Variants in GLIS3 observed in about 807,000 individuals in gnomAD.
The protein encoded by GLIS3 is zinc finger protein GLIS3.
A neutral mutation model predicts 78.6 loss-of-function variants in GLIS3; 53 were observed. That is an observed-to-expected ratio of 0.67 (90% CI 0.54 to 0.85). The LOEUF (loss-of-function observed/expected upper bound fraction) is 0.85. GLIS3 is among the 40% of genes least tolerant of loss of function. GLIS3 has a pLI of 0.00. For missense variants in GLIS3, 1,703 were observed against 1,231.1 expected (o/e 1.38, Z -5.74); for synonymous variants, 684 against 509.9 (o/e 1.34, Z -4.60).
intron 2 of GLIS3, among the ~76,000 whole-genome samples, chr9:4,263,243 G>T (rs955133381): frequency 6.6e-6 from 1 of 152,102 alleles, no homozygotes; most frequent in Admixed American, 6.5e-5. Flanking sequence ...GCAGACTCTG[G>T]GACAGAGAGG....
chr9:4,294,507 CT>C (rs1816309731), intron 1 of GLIS3, among the ~76,000 whole-genome samples: 1 of 147,774 alleles, frequency 6.8e-6, no homozygotes. Context: ...GAAATTATGT[CT>C]CAAAAAAAAA....
chr9:4,438,393 T>C, the GLIS3 span, among the ~76,000 whole-genome samples: 6 of 152,110 alleles, frequency 3.9e-5, no homozygotes, highest in African/African-American at 1.2e-4. Context: ...AAATGACAAA[T>C]AGACTTCATT....
intron 4 of GLIS3, among the ~76,000 whole-genome samples, chr9:3,957,301 T>C (rs768582518): frequency 6.6e-6 from 1 of 152,258 alleles, no homozygotes. Context: ...TGAATAACAC[T>C]TCCCCAGTTT....
chr9:3,991,752 G>T (rs538702727), intron 4 of GLIS3, among the ~76,000 whole-genome samples: 1 of 144,394 alleles, frequency 6.9e-6, no homozygotes, highest in Non-Finnish European at 1.5e-5. Flanking sequence ...GTGCAGTGGT[G>T]GGATCTCGGC....
chr9:4,374,688 A>C, the GLIS3 span, among the ~76,000 whole-genome samples: 1 of 152,262 alleles, frequency 6.6e-6, no homozygotes, highest in African/African-American at 2.4e-5. Flanking sequence ...GTTGGCAGCA[A>C]AGCCCTCTCA....
intron 2 of GLIS3, among the ~76,000 whole-genome samples, chr9:4,345,603 G>C (rs1279984676): frequency 1.3e-5 from 2 of 152,158 alleles, no homozygotes; most frequent in African/African-American, 4.8e-5. Context: ...AGTTGCTCTT[G>C]TTCCTCTTTC....
intron 10 of GLIS3, 32 bp downstream of exon 10, chr9:3,829,278 A>G (rs765051006): frequency 6.2e-7 from 1 of 1,605,842 alleles, no homozygotes; most frequent in Non-Finnish European, 8.5e-7. Flanking sequence ...GTCAGTTGAC[A>G]GGATTTTCTA....
chr9:4,000,609 A>G (rs1363546507), intron 4 of GLIS3, among the ~76,000 whole-genome samples: 5 of 152,222 alleles, frequency 3.3e-5, no homozygotes, highest in Non-Finnish European at 4.4e-5. Context: ...TTATTTTCTT[A>G]GTCCTCTGCC....
chr9:4,143,546 G>A (rs546119528), intron 2 of GLIS3, among the ~76,000 whole-genome samples: 17 of 149,192 alleles, frequency 1.1e-4, no homozygotes, highest in Non-Finnish European at 1.5e-4. Context: ...CAGCCTGGGC[G>A]ACAGAGCAAG....
intron 2 of GLIS3, among the ~76,000 whole-genome samples, chr9:4,180,357 T>A (rs1817197706): frequency 6.6e-6 from 1 of 152,146 alleles, no homozygotes; most frequent in African/African-American, 2.4e-5. Flanking sequence ...TATACCACAA[T>A]AGGAAGAACA....
chr9:4,334,214 A>G (rs1405223729), intron 2 of GLIS3, among the ~76,000 whole-genome samples: 26 of 152,252 alleles, frequency 1.7e-4, no homozygotes, highest in Admixed American at 1.6e-3. Flanking sequence ...ACAGTGAAAG[A>G]CCATCTGATA....
At chr9:4,450,185 G>C in the GLIS3 span, among the ~76,000 whole-genome samples, 1 of 152,148 alleles carries the variant, frequency 6.6e-6, no homozygotes, top group African/African-American at 2.4e-5. Flanking sequence ...CACGACACGA[G>C]AACTATGTGA....
intron 2 of GLIS3, among the ~76,000 whole-genome samples, chr9:4,202,300 G>A (rs906859449): frequency 4.0e-5 from 6 of 150,862 alleles, no homozygotes; most frequent in Non-Finnish European, 8.9e-5. Context: ...ACAGGCGCCC[G>A]CCACCATGCC....
chr9:4,281,243 T>C (rs1025955545), intron 2 of GLIS3, among the ~76,000 whole-genome samples: 2 of 152,240 alleles, frequency 1.3e-5, no homozygotes, highest in African/African-American at 4.8e-5. Context: ...ACGTTGATTT[T>C]CACTTAGTAT....
At chr9:4,142,788 A>C (rs1833908375) in intron 2 of GLIS3, among the ~76,000 whole-genome samples, 1 of 152,222 alleles carries the variant, frequency 6.6e-6, no homozygotes. Flanking sequence ...TACTAACTCC[A>C]AATTCTCAAA....
chr9:4,102,383 C>T (rs187122442), intron 4 of GLIS3, among the ~76,000 whole-genome samples: 2 of 152,290 alleles, frequency 1.3e-5, no homozygotes, highest in East Asian at 3.9e-4. Context: ...TGACTGAAAT[C>T]TCAGAATAAC....
chr9:4,155,359 T>C (rs1289012178), intron 2 of GLIS3, among the ~76,000 whole-genome samples: 1 of 152,182 alleles, frequency 6.6e-6, no homozygotes, highest in Admixed American at 6.5e-5. Flanking sequence ...ACTGACCCAT[T>C]ACATGGCGCA....
Position 3,827,793 on chromosome 9 carries a change from T to A in GLIS3, c.*479A>T. ...TCTAAGAGTTGAGACCACACTATGC[T>A]TTGGACATGGATTTCCCTTGTTGTG... is the stretch of plus-strand genomic sequence containing the variant. On this transcript the variant is annotated 3_prime_UTR_variant, in exon 11 of 11. Transcript: ENST00000381971. The A allele has an allele frequency of 4.5e-6, 1 of 220,696 alleles. No homozygotes were observed. 13.7% of individuals were successfully genotyped at this position (220,696 alleles called of 1,614,324 possible). A position where few individuals can be genotyped will look rare whatever the true frequency, so the allele number is the denominator to read the frequency against.
chr9:4,273,910 T>A (rs146595638), intron 2 of GLIS3, among the ~76,000 whole-genome samples: 1 of 152,184 alleles, frequency 6.6e-6, no homozygotes, highest in Non-Finnish European at 1.5e-5. Flanking sequence ...TACCCTGCCC[T>A]GCACCTCCAT....
Sources: gnomAD v4.1 joint callset for allele counts (sites outside exome capture counted in the v4.1 genomes callset) on GRCh38, gnomAD v4.1.1 for gene constraint, MANE v1.5 for transcripts, NCBI Gene and HGNC (gene_info 2026-07-23, HGNC 2026-07-21) for gene names.